Variants in SCOC observed in about 807,000 individuals in gnomAD.
SCOC encodes short coiled-coil protein.
Under a neutral mutation model 9.9 loss-of-function variants are expected in SCOC, and 7 were observed. That is an observed-to-expected ratio of 0.71 (90% CI 0.40 to 1.33). SCOC has a LOEUF of 1.33. Among genes scored for constraint, SCOC ranks in the 40% most tolerant of loss-of-function variants. The pLI is 0.01. For missense variants in SCOC, 66 were observed against 89.7 expected (o/e 0.74, Z 1.07); for synonymous variants, 19 against 28.2 (o/e 0.67, Z 1.03).
intron 2 of SCOC, among the ~76,000 whole-genome samples, chr4:140,368,557 G>C (rs1727901477): frequency 6.6e-6 from 1 of 152,142 alleles, no homozygotes; most frequent in Non-Finnish European, 1.5e-5. Flanking sequence ...TTTTGCCAAG[G>C]TTAAGGACAT....
chr4:140,374,135 GGGAGGGGAGGCTGA>G (rs1728216290), intron 1 of SCOC: 2 of 464,144 alleles, frequency 4.3e-6, no homozygotes, highest in South Asian at 1.6e-5. Flanking sequence ...CCTGAGAGAT[GGGAGGGGAGGCTGA>G]GGTGGGGAGG....
At chr4:140,315,173 C>T (rs183397633) in intron 1 of SCOC, among the ~76,000 whole-genome samples, 1 of 152,334 alleles carries the variant, frequency 6.6e-6, no homozygotes, top group East Asian at 1.9e-4. Context: ...AATCTCCACT[C>T]TTCCCCTGTG....
chr4:140,278,751 C>G (rs1731039056), intron 1 of SCOC, among the ~76,000 whole-genome samples: 1 of 152,162 alleles, frequency 6.6e-6, no homozygotes, highest in Non-Finnish European at 1.5e-5. Context: ...CCCTTTTATG[C>G]CAGGACATTG....
intron 1 of SCOC, chr4:140,284,154 A>G (rs1396056329): frequency 6.6e-6 from 1 of 152,100 alleles, no homozygotes. Flanking sequence ...ATCAATGTTC[A>G]ATTTTCCTAA....
At chr4:140,288,166 A>T (rs79892997) in intron 1 of SCOC, among the ~76,000 whole-genome samples, 3,985 of 152,048 alleles carry the variant, frequency 0.026, 137 homozygotes, top group African/African-American at 0.079. Context: ...TACCACATAG[A>T]TATACTACAC....
At chr4:140,354,722 T>C (rs1727136634) in intron 2 of SCOC, among the ~76,000 whole-genome samples, 1 of 152,022 alleles carries the variant, frequency 6.6e-6, no homozygotes, top group East Asian at 1.9e-4. Context: ...GGGTTTTTTT[T>C]TTTAAACCTT....
At chr4:140,378,056 A>T (rs902249946) in intron 1 of SCOC, among the ~76,000 whole-genome samples, 2 of 152,122 alleles carry the variant, frequency 1.3e-5, no homozygotes, top group African/African-American at 2.4e-5. Flanking sequence ...TTTTATAGAA[A>T]TTTTTTGTTC....
chr4:140,380,458 A>T (rs1250881241), intron 3 of SCOC, among the ~76,000 whole-genome samples: 1 of 151,980 alleles, frequency 6.6e-6, no homozygotes. Flanking sequence ...TCGGCCTCCC[A>T]AAGTGCTGGG....
intron 2 of SCOC, among the ~76,000 whole-genome samples, chr4:140,351,886 T>G (rs1578843850): frequency 6.6e-6 from 1 of 151,834 alleles, no homozygotes; most frequent in Non-Finnish European, 1.5e-5. Flanking sequence ...ATAGCAGGAG[T>G]CTTGTCGGTG....
chr4:140,315,717 T>C (rs778310598), intron 1 of SCOC, among the ~76,000 whole-genome samples: 4 of 152,218 alleles, frequency 2.6e-5, no homozygotes, highest in Non-Finnish European at 4.4e-5. Context: ...AGGGATAACC[T>C]ACCACTCTCA....
At position 140,272,228 on chromosome 4, in the gene SCOC, T is replaced by A. The variant is rs866402303; in HGVS notation, c.-19+14818T>A. ...CCATGCCCACCTACCTTTAATTTTT[T>A]TTTTTTTTTATAGACCAGGTCTTAC... On this transcript the variant is annotated intron_variant, in intron 1 of 4. Transcript: ENST00000394205. Among the ~76,000 whole-genome samples, 305 of 151,830 alleles carry A rather than the reference T, an allele frequency of 2.0e-3. 1 individual carries two copies. Among genetic ancestry groups the A allele is most frequent in the Middle Eastern group, 0.014 (4 of 294 alleles).
chr4:140,333,397 T>G (rs1732874334), intron 1 of SCOC, among the ~76,000 whole-genome samples: 1 of 152,172 alleles, frequency 6.6e-6, no homozygotes, highest in Non-Finnish European at 1.5e-5. Flanking sequence ...TGAATACACA[T>G]GTAGTATATA....
intron 2 of SCOC, among the ~76,000 whole-genome samples, chr4:140,351,953 G>A (rs775570564): frequency 1.3e-5 from 2 of 152,174 alleles, no homozygotes; most frequent in Non-Finnish European, 2.9e-5. Flanking sequence ...TGCAGCCAGC[G>A]CCATGCTCCC....
chr4:140,309,676 A>G (rs1355361936), intron 1 of SCOC, among the ~76,000 whole-genome samples: 3 of 152,242 alleles, frequency 2.0e-5, no homozygotes, highest in Non-Finnish European at 4.4e-5. Flanking sequence ...TAACATATGC[A>G]AGAGAAAAAC....
At chr4:140,373,306 C>T, upstream of SCOC, 4 of 1,386,618 alleles carry the variant, frequency 2.9e-6, no homozygotes, top group South Asian at 1.6e-5. Context: ...CAGCCTCTTT[C>T]CTGATTTTCC....
intron 1 of SCOC, among the ~76,000 whole-genome samples, chr4:140,378,283 G>A (rs1728427718): frequency 1.3e-5 from 2 of 152,008 alleles, no homozygotes; most frequent in South Asian, 4.1e-4. Flanking sequence ...CTTTAATGAA[G>A]AAGAATATTT....
At chr4:140,309,394 T>C (rs1732085672) in intron 1 of SCOC, among the ~76,000 whole-genome samples, 1 of 152,070 alleles carries the variant, frequency 6.6e-6, no homozygotes, top group Non-Finnish European at 1.5e-5. Flanking sequence ...CACTGATAGG[T>C]GATGGGAAGT....
intron 2 of SCOC, among the ~76,000 whole-genome samples, chr4:140,353,933 T>C (rs1173094385): frequency 6.6e-6 from 1 of 152,270 alleles, no homozygotes; most frequent in Non-Finnish European, 1.5e-5. Flanking sequence ...CATGTTTCAT[T>C]GTCAGCTTAA....
At chr4:140,295,510 C>A (rs1386807307) in intron 1 of SCOC, among the ~76,000 whole-genome samples, 1 of 152,132 alleles carries the variant, frequency 6.6e-6, no homozygotes, top group African/African-American at 2.4e-5. Flanking sequence ...TAAATCCAGG[C>A]AGGATAGCTC....
Sources: allele counts gnomAD v4.1 joint callset (sites outside exome capture counted in the v4.1 genomes callset), GRCh38; gene constraint gnomAD v4.1.1; transcripts MANE v1.5; gene names NCBI Gene and HGNC (gene_info 2026-07-23, HGNC 2026-07-21).